FHDC1: variants seen among roughly 807,000 people sequenced by gnomAD.
FHDC1 encodes FH2 domain containing 1, also known as FH2 domain-containing protein 1.
In FHDC1, 25 loss-of-function variants were observed where a neutral mutation model predicts 52.6. That is an observed-to-expected ratio of 0.48 (90% confidence interval 0.35 to 0.66). The LOEUF is 0.66. FHDC1 is among the 30% of genes least tolerant of loss of function. The pLI is 0.01. For synonymous variants in FHDC1, 616 were observed against 581.5 expected, an observed-to-expected ratio of 1.06 and a Z score of -0.85; for missense variants, 1,459 against 1,452.8, an observed-to-expected ratio of 1.00 and a Z score of -0.07.
chr4:152,912,341 T>C, the FHDC1 span: 15 of 152,208 alleles, frequency 9.9e-5, no homozygotes, highest in Non-Finnish European at 1.5e-4. Context: ...GAATAAATAC[T>C]GCATGGAACC....
rs557180208 is a variant in FHDC1 at position 152,959,044 on chromosome 4, TG to T, written c.664-1520del. Reference sequence around the variant, plus strand: ...GCAAATACTCCTTTCTTTATATTTTTGAACTGTCATTTCCTATTTTGCAAGG... The same window carrying T: ...GCAAATACTCCTTTCTTTATATTTTTAACTGTCATTTCCTATTTTGCAAGG... On this transcript the variant is annotated intron_variant, in intron 4 of 11. Coordinates refer to ENST00000511601, the MANE Select transcript of FHDC1 (RefSeq NM_001371116.1). Among the ~76,000 whole-genome samples, 438 of 152,384 alleles carry T rather than the reference TG, an allele frequency of 2.9e-3. 2 individuals are homozygous for T. The highest frequency in any genetic ancestry group is 0.01 in the African/African-American group (417 of 41,592).
upstream of FHDC1, among the ~76,000 whole-genome samples, chr4:152,934,966 T>C (rs1340281320): frequency 6.6e-6 from 1 of 152,236 alleles, no homozygotes; most frequent in Non-Finnish European, 1.5e-5. Context: ...TGCTGTAATT[T>C]AACTTGAGCC....
chr4:152,925,292 A>G, the FHDC1 span, among the ~76,000 whole-genome samples: 1 of 152,218 alleles, frequency 6.6e-6, no homozygotes, highest in African/African-American at 2.4e-5. Context: ...ATAAATGCGT[A>G]GATGTATTAG....
chr4:152,975,817 C>G lies in FHDC1; in HGVS notation c.2526C>G (p.Pro842=). The G allele has an allele frequency of 2.0e-6, 3 of 1,522,432 alleles. No individual in the cohort carries two copies. Among genetic ancestry groups the G allele is most frequent in the Non-Finnish European group, 2.6e-6 (3 of 1,136,660 alleles). 94.3% of individuals were successfully genotyped at this position (1,522,432 alleles called of 1,614,324 possible). Reference sequence around the variant, plus strand: ...CCCCCGTCTCTGTGGATAGTGAGCCCAGCTGCAAGGGCGGCCTGCCCAGGG... The same window carrying G: ...CCCCCGTCTCTGTGGATAGTGAGCCGAGCTGCAAGGGCGGCCTGCCCAGGG... ...APAPVSVDSE[P]SCKGGLPRDK... The change falls in exon 12 of 12, where the codon CCC becomes CCG. Residue 842 remains proline, a synonymous_variant. Coordinates refer to ENST00000511601, the MANE Select transcript of FHDC1 (RefSeq NM_001371116.1).
In FHDC1 at chr4:152,963,112, C is replaced by T; in HGVS notation, c.1011C>T (p.Leu337=). ...DTKANKPGMN[L]LHFVAQEAQK... is the part of the protein sequence containing the mutation. ...AAGCAAACAAACCTGGGATGAATCT[C>T]CTGCACTTTGTTGCACAGGTATGTG... is the stretch of plus-strand genomic sequence containing the variant. Residue 337 remains leucine (L), a synonymous_variant, in exon 8 of 12, where the codon CTC becomes CTT. Coordinates refer to ENST00000511601, the MANE Select transcript of FHDC1 (RefSeq NM_001371116.1). The T allele has an allele frequency of 1.2e-6, 2 of 1,613,990 alleles. No individual in the cohort carries two copies. The highest frequency in any genetic ancestry group is 8.5e-7 in the Non-Finnish European group (1 of 1,180,008).
In FHDC1 at chr4:152,975,596, C is replaced by T. The variant is rs752277920; in HGVS notation, c.2305C>T (p.Pro769Ser). Residue 769 changes from proline (P) to serine (S), a missense_variant, in exon 12 of 12, where the codon CCT becomes TCT. Transcript: ENST00000511601. ...SSDPENKDPR[P>S]LFCISDTTDC... Reference sequence around the variant, plus strand: ...CGACCCTGAGAACAAAGATCCTAGACCTCTGTTCTGCATCTCGGACACCAC... The same window carrying T: ...CGACCCTGAGAACAAAGATCCTAGATCTCTGTTCTGCATCTCGGACACCAC... 1 of 1,613,612 alleles carries T rather than the reference C, an allele frequency of 6.2e-7. No individual in the cohort carries two copies. Among genetic ancestry groups the T allele is most frequent in the Non-Finnish European group, 8.5e-7 (1 of 1,180,022 alleles).
At chr4:152,945,338 C>A (rs1023478479) in intron 2 of FHDC1, among the ~76,000 whole-genome samples, 2 of 152,152 alleles carry the variant, frequency 1.3e-5, no homozygotes, top group African/African-American at 4.8e-5. Flanking sequence ...GCACCCTATG[C>A]AGATTTTTAC....
chr4:152,937,764 A>G (rs565704232), intron 1 of FHDC1, among the ~76,000 whole-genome samples: 3 of 152,086 alleles, frequency 2.0e-5, no homozygotes, highest in Admixed American at 1.3e-4. Context: ...GGCGCTGATA[A>G]GGACGCAGCT....
intron 1 of FHDC1, among the ~76,000 whole-genome samples, chr4:152,941,116 A>G (rs186746849): frequency 6.6e-6 from 1 of 152,330 alleles, no homozygotes; most frequent in East Asian, 1.9e-4. Context: ...TAAAGTATCC[A>G]ATTAATAGCT....
the FHDC1 span, among the ~76,000 whole-genome samples, chr4:152,919,604 A>G: frequency 6.6e-6 from 1 of 152,222 alleles, no homozygotes; most frequent in Non-Finnish European, 1.5e-5. Flanking sequence ...CATTCTTAAC[A>G]TAGAATGCTT....
intron 2 of FHDC1, among the ~76,000 whole-genome samples, chr4:152,953,157 C>T (rs80286802): frequency 0.053 from 8,013 of 151,892 alleles, 358 homozygotes; most frequent in East Asian, 0.13. Context: ...AAAGAAAATG[C>T]ATTTCATATC....
the FHDC1 span, among the ~76,000 whole-genome samples, chr4:152,930,720 A>G: frequency 0.01 from 1,532 of 152,266 alleles, 22 homozygotes; most frequent in African/African-American, 0.034. Flanking sequence ...AAATATTAAG[A>G]TTCTGATTGT....
chr4:152,970,955 C>A (rs1740621073), intron 10 of FHDC1, among the ~76,000 whole-genome samples: 1 of 152,192 alleles, frequency 6.6e-6, no homozygotes, highest in Non-Finnish European at 1.5e-5. Context: ...AGCCCATCCC[C>A]ACTTCACTCA....
chr4:152,976,860 A>C lies in FHDC1; in HGVS notation c.*137A>C. 2 of 1,197,532 alleles carry C rather than the reference A, an allele frequency of 1.7e-6. No homozygotes were observed. Among genetic ancestry groups the C allele is most frequent in the Non-Finnish European group, 2.3e-6 (2 of 888,090 alleles). 74.2% of individuals were successfully genotyped at this position (1,197,532 alleles called of 1,614,324 possible). On this transcript the variant is annotated 3_prime_UTR_variant, in exon 12 of 12. Coordinates refer to ENST00000511601, the MANE Select transcript of FHDC1 (RefSeq NM_001371116.1). Reference sequence around the variant, plus strand: ...TGCCACTGCTAGTGACGCTGTTGGGATGGCACAGTCCAGGAGGCCTGTGGA... The same window carrying C: ...TGCCACTGCTAGTGACGCTGTTGGGCTGGCACAGTCCAGGAGGCCTGTGGA...
chr4:152,975,346 G>A lies in FHDC1; in HGVS notation c.2055G>A (p.Gln685=), dbSNP rs1740823799. The A allele has an allele frequency of 6.2e-7, 1 of 1,613,584 alleles. No individual in the cohort carries two copies. Among genetic ancestry groups the A allele is most frequent in the Admixed American group, 1.7e-5 (1 of 60,008 alleles). ...CAGGGCTGGCCCAGTTCAACCTCCA[G>A]GGTTCCCAGGGCATGGAGGAGACCT... ...LVTGLAQFNL[Q]GSQGMEETSQ... is the part of the protein sequence containing the mutation. Residue 685 remains glutamine, a synonymous_variant, in exon 12 of 12, where the codon CAG becomes CAA. Transcript: ENST00000511601.
Position 152,942,970 on chromosome 4 carries a change from C to T in FHDC1, c.-88C>T. Reference sequence around the variant, plus strand: ...TGCCCTTTATTCTGGCGGCAGATAGCAGCAGGTGAAAAAGTGCTACACAAG... The same window carrying T: ...TGCCCTTTATTCTGGCGGCAGATAGTAGCAGGTGAAAAAGTGCTACACAAG... On this transcript the variant is annotated 5_prime_UTR_variant, in exon 2 of 12. Coordinates refer to ENST00000511601, the MANE Select transcript of FHDC1 (RefSeq NM_001371116.1). 1.4e-6 allele frequency: 2 copies of T among 1,423,482 alleles called. No individual in the cohort carries two copies. Among genetic ancestry groups the T allele is most frequent in the Non-Finnish European group, 9.6e-7 (1 of 1,044,376 alleles). The allele number at this position is 1,423,482 out of a possible 1,614,324, so 88.2% of individuals were successfully genotyped here. A position where few individuals can be genotyped will look rare whatever the true frequency, so the allele number is the denominator to read the frequency against.
intron 2 of FHDC1, among the ~76,000 whole-genome samples, chr4:152,945,831 G>A (rs185186313): frequency 1.2e-4 from 18 of 152,164 alleles, no homozygotes; most frequent in Admixed American, 3.9e-4. Flanking sequence ...TTCCCTCTCC[G>A]GAACACTTTT....
At chr4:152,961,356 A>T (rs1230029943) in intron 6 of FHDC1, among the ~76,000 whole-genome samples, 2 of 151,722 alleles carry the variant, frequency 1.3e-5, no homozygotes, top group African/African-American at 4.9e-5. Context: ...GTCGTCTCCC[A>T]CTCCTCCATA....
chr4:152,970,674 GA>G (rs373427212), intron 10 of FHDC1, among the ~76,000 whole-genome samples: 44 of 152,194 alleles, frequency 2.9e-4, no homozygotes, highest in African/African-American at 1.0e-3. Context: ...CCTCCATAAA[GA>G]AAAATACAGC....
Sources: gnomAD v4.1 joint callset for allele counts (sites outside exome capture counted in the v4.1 genomes callset) on GRCh38, gnomAD v4.1.1 for gene constraint, MANE v1.5 for transcripts, NCBI Gene and HGNC (gene_info 2026-07-23, HGNC 2026-07-21) for gene names.